The following FSHR variants were observed in gnomAD, a reference collection of about 807,000 sequenced individuals.
FSHR encodes the protein follicle stimulating hormone receptor.
Under a neutral mutation model 52.1 loss-of-function variants are expected in FSHR, and 46 were observed. That is an observed-to-expected ratio of 0.88 (90% CI 0.70 to 1.13). FSHR has a LOEUF of 1.13. FSHR is among the 50% of genes most tolerant of loss of function. FSHR has a pLI of 0.00. For missense variants in FSHR, 964 were observed against 834.6 expected, an observed-to-expected ratio of 1.16 and a Z score of -1.91; for synonymous variants, 399 against 309.6, an observed-to-expected ratio of 1.29 and a Z score of -3.03.
intron 2 of FSHR, among the ~76,000 whole-genome samples, chr2:49,064,237 A>C (rs1669422140): frequency 6.8e-6 from 1 of 147,830 alleles, no homozygotes; most frequent in Non-Finnish European, 1.5e-5. Context: ...GCAGTTACAC[A>C]AGTGCTCTGG....
At chr2:49,101,860 G>C (rs1187499676) in intron 1 of FSHR, among the ~76,000 whole-genome samples, 1 of 152,130 alleles carries the variant, frequency 6.6e-6, no homozygotes, top group African/African-American at 2.4e-5. Context: ...GGACTCTGTA[G>C]AGTCCGAAGG....
At chr2:49,085,968 G>A (rs75668303) in intron 1 of FSHR, among the ~76,000 whole-genome samples, 11 of 151,060 alleles carry the variant, frequency 7.3e-5, no homozygotes, top group Admixed American at 3.3e-4. Flanking sequence ...CTGTTGTGGG[G>A]GGGGGGAGTG....
At chr2:49,057,683 C>A (rs1025016687) in intron 2 of FSHR, among the ~76,000 whole-genome samples, 3 of 152,028 alleles carry the variant, frequency 2.0e-5, no homozygotes, top group Non-Finnish European at 4.4e-5. Flanking sequence ...TTCTCATAGG[C>A]CAGCATTGCT....
intron 2 of FSHR, among the ~76,000 whole-genome samples, chr2:49,049,188 GAA>G (rs35052191): frequency 6.7e-6 from 1 of 148,342 alleles, no homozygotes; most frequent in Non-Finnish European, 1.5e-5. Context: ...CAGCAAGGAG[GAA>G]AAAAAAAAGG....
chr2:49,003,489 C>T (rs975918339), intron 4 of FSHR, among the ~76,000 whole-genome samples: 1 of 152,160 alleles, frequency 6.6e-6, no homozygotes, highest in African/African-American at 2.4e-5. Context: ...AGACAACGTC[C>T]TTCCCAGAAG....
rs766731004 is a variant in FSHR, at chr2:48,963,406, G to A, written c.1415C>T (p.Thr472Met). Residue 472 changes from threonine (T) to methionine (M), a missense_variant, in exon 10 of 10, where the codon ACG becomes ATG. Transcript: ENST00000406846. Reference sequence around the variant, plus strand: ...CTTGCAGTCCAGCTGCATGGCATGCGTGATGGTATGCCATCTTTCCAAGGT... The same window carrying A: ...CTTGCAGTCCAGCTGCATGGCATGCATGATGGTATGCCATCTTTCCAAGGT... The part of the protein sequence containing the change: ...AITLERWHTI[T>M]HAMQLDCKVQ... 5.6e-6 allele frequency: 9 copies of A among 1,613,980 alleles called. No individual in the cohort carries two copies. The highest frequency in any genetic ancestry group is 3.3e-5 in the Admixed American group (2 of 59,992).
At chr2:49,044,304 T>C (rs554053667) in intron 2 of FSHR, among the ~76,000 whole-genome samples, 2 of 152,322 alleles carry the variant, frequency 1.3e-5, no homozygotes, top group South Asian at 4.1e-4. Flanking sequence ...CTATTTTGTT[T>C]ATTACTGTTT....
rs1389112828 is a variant in FSHR at position 49,152,775 on chromosome 2, CACA to C, written c.152+1488_152+1490del. Among the ~76,000 whole-genome samples, 3 of 152,104 alleles carry C rather than the reference CACA, an allele frequency of 2.0e-5. No individual in the cohort carries two copies. In the South Asian group the frequency reaches 6.2e-4, roughly 31 times the overall value. On this transcript the variant is annotated intron_variant, in intron 1 of 9. Coordinates refer to ENST00000406846, the MANE Select transcript of FSHR (RefSeq NM_000145.4). Reference sequence around the variant, plus strand: ...GGGGTCATCTATATCTTTTAGTGTTCACAACAATTCAACCAAGCAGGTTGTACT... The same window carrying C: ...GGGGTCATCTATATCTTTTAGTGTTCACAATTCAACCAAGCAGGTTGTACT...
chr2:49,131,734 G>T (rs957515600), intron 1 of FSHR, among the ~76,000 whole-genome samples: 3 of 152,180 alleles, frequency 2.0e-5, no homozygotes, highest in Non-Finnish European at 4.4e-5. Context: ...ATAATTCAGA[G>T]AAAATATTAT....
Position 49,020,180 on chromosome 2 carries a change from TAA to T in FSHR, c.225-22_225-21del. The T allele has an allele frequency of 6.3e-7, 1 of 1,594,342 alleles. No individual in the cohort carries two copies. Reference sequence around the variant, plus strand: ...ATCTCTCTGTGGAGAAAAAAATATATAAGTCAAGCCAGTTCAGTTACACTCCT... The same window carrying T: ...ATCTCTCTGTGGAGAAAAAAATATATGTCAAGCCAGTTCAGTTACACTCCT... On this transcript the variant is annotated intron_variant, in intron 2 of 9. Transcript: ENST00000406846.
Position 49,098,919 on chromosome 2 carries a change from A to G in FSHR, c.153-30629T>C, listed in dbSNP as rs1018563367. On this transcript the variant is annotated intron_variant, in intron 1 of 9. Coordinates refer to ENST00000406846, the MANE Select transcript of FSHR (RefSeq NM_000145.4). ...TATATAAGTGTATGTATGTATACAT[A>G]TATATCTGCAACACACAAACACACA... Among the ~76,000 whole-genome samples the G allele has an allele frequency of 6.2e-5, 9 of 144,068 alleles. No individual in the cohort carries two copies. In the East Asian group the frequency reaches 1.8e-3, roughly 29 times the overall value. The allele number at this position is 144,068 out of a possible 152,430, so 94.5% of individuals were successfully genotyped here.
chr2:49,097,545 A>G (rs1670872122), intron 1 of FSHR, among the ~76,000 whole-genome samples: 1 of 152,198 alleles, frequency 6.6e-6, no homozygotes, highest in Non-Finnish European at 1.5e-5. Flanking sequence ...TAGAGAGCTA[A>G]GAAGGAATGA....
At chr2:49,080,117 G>C (rs1670112015) in intron 1 of FSHR, among the ~76,000 whole-genome samples, 1 of 152,180 alleles carries the variant, frequency 6.6e-6, no homozygotes, top group Non-Finnish European at 1.5e-5. Flanking sequence ...TTCATCTTCA[G>C]TAGTAATCAA....
At chr2:49,046,987 G>C (rs1369782845) in intron 2 of FSHR, among the ~76,000 whole-genome samples, 1 of 148,330 alleles carries the variant, frequency 6.7e-6, no homozygotes, top group Non-Finnish European at 1.5e-5. Flanking sequence ...GAATTAGCTG[G>C]TGTCATTCAT....
chr2:48,985,369 C>T (rs1036150937), intron 6 of FSHR, among the ~76,000 whole-genome samples: 5 of 152,154 alleles, frequency 3.3e-5, no homozygotes, highest in South Asian at 2.1e-4. Flanking sequence ...AGAGGAAACA[C>T]GCACGAAGCA....
intron 2 of FSHR, among the ~76,000 whole-genome samples, chr2:49,021,863 C>CTATATA (rs1224896244): frequency 6.6e-4 from 33 of 49,846 alleles, no homozygotes; most frequent in East Asian, 2.5e-3. Context: ...CTCTCTCTCT[C>CTATATA]TATATATATA....
chr2:49,055,579 T>C (rs12478454), intron 2 of FSHR, among the ~76,000 whole-genome samples: 53,917 of 105,390 alleles, frequency 0.51, 10,746 homozygotes, highest in East Asian at 0.63. Context: ...ATAGGGTCAA[T>C]CCCAAAAGTT....
chr2:49,118,579 G>T (rs1671688476), intron 1 of FSHR, among the ~76,000 whole-genome samples: 1 of 152,192 alleles, frequency 6.6e-6, no homozygotes, highest in South Asian at 2.1e-4. Context: ...AGAAACTGCT[G>T]AAATAGTTGC....
intron 2 of FSHR, among the ~76,000 whole-genome samples, chr2:49,044,690 A>G (rs1018272033): frequency 6.7e-5 from 10 of 149,462 alleles, no homozygotes; most frequent in Non-Finnish European, 1.5e-4. Context: ...CTTTCATTTC[A>G]CCTCCCCCAA....
Sources: allele counts gnomAD v4.1 joint callset (sites outside exome capture counted in the v4.1 genomes callset), GRCh38; gene constraint gnomAD v4.1.1; transcripts MANE v1.5; gene names NCBI Gene and HGNC (gene_info 2026-07-23, HGNC 2026-07-21).